The following APBA1 variants were observed in gnomAD, a reference collection of about 807,000 sequenced individuals.
The protein encoded by APBA1 is amyloid-beta A4 precursor protein-binding family A member 1.
Under a neutral mutation model 86.6 loss-of-function variants are expected in APBA1, and 55 were observed. The ratio of observed to expected loss-of-function variants is 0.64; its 90% CI spans 0.51 to 0.80. The LOEUF (loss-of-function observed/expected upper bound fraction) is 0.80. APBA1 is among the 30% of genes least tolerant of loss of function. The probability of loss-of-function intolerance (pLI) is 0.00; values close to 1 mark genes in which losing one functional copy is unlikely to be tolerated. For missense variants in APBA1, 1,090 were observed against 1,183.0 expected, an observed-to-expected ratio of 0.92 and a Z score of 1.15; for synonymous variants, 511 against 493.9, an observed-to-expected ratio of 1.03 and a Z score of -0.46.
chr9:69,458,017 A>G, intron 6 of APBA1, 139 bp downstream of exon 6: 1 of 833,832 alleles, frequency 1.2e-6, no homozygotes, highest in Non-Finnish European at 1.8e-6. Flanking sequence ...ACGCTGGCTT[A>G]TGGGGCGGTT....
Position 69,543,127 on chromosome 9 carries a change from G to A in APBA1, c.-69-25848C>T, listed in dbSNP as rs115919142. Among the ~76,000 whole-genome samples, 481 of 152,332 alleles carry A rather than the reference G, an allele frequency of 3.2e-3. 4 individuals are homozygous for A. The highest frequency in any genetic ancestry group is 0.011 in the African/African-American group (459 of 41,574). On this transcript the variant is annotated intron_variant, in intron 1 of 12. Transcript: ENST00000265381. ...TTAGTTAGGGTTCCTTAGTTTCTAA[G>A]AACAGCACTCAATGGATTTAAAACA... is the stretch of plus-strand genomic sequence containing the variant.
chr9:69,468,308 C>G (rs891221547), intron 4 of APBA1, among the ~76,000 whole-genome samples: 1 of 152,214 alleles, frequency 6.6e-6, no homozygotes, highest in Non-Finnish European at 1.5e-5. Flanking sequence ...ACATTCACCT[C>G]TGACTCTCTT....
intron 1 of APBA1, among the ~76,000 whole-genome samples, chr9:69,656,832 G>A (rs895366901): frequency 2.8e-5 from 4 of 143,776 alleles, no homozygotes; most frequent in East Asian, 2.3e-4. Context: ...AAGAATAACC[G>A]GGAGATCTTT....
Position 69,516,582 on chromosome 9 carries a change from C to T in APBA1, c.629G>A (p.Arg210His). ...EIGDAPELDA[R>H]DGLRLYEQER... ...CTGCTCGTAGAGCCGCAGGCCGTCG[C>T]GTGCGTCCAGCTCGGGCGCGTCCCC... The change falls in exon 2 of 13, where the codon CGC (arginine) becomes CAC (histidine). Residue 210 changes from arginine (R) to histidine (H), a missense_variant. Physicochemically the swap from Arg to His is conservative, Grantham distance 29 (BLOSUM62 0). This residue lies in a region of APBA1 where 678 missense variants were observed against 647.1 expected (regional missense o/e 1.05). Transcript: ENST00000265381. This position sits in a 1 kb window ranked among gnomAD's most constrained non-coding sequence, Gnocchi z 7.3. The T allele has an allele frequency of 1.2e-6, 2 of 1,602,420 alleles. No homozygotes were observed. Among genetic ancestry groups the T allele is most frequent in the East Asian group, 2.2e-5 (1 of 44,780 alleles).
chr9:69,447,113 TG>T (rs1834923365), intron 10 of APBA1, among the ~76,000 whole-genome samples: 1 of 152,176 alleles, frequency 6.6e-6, no homozygotes, highest in African/African-American at 2.4e-5. Context: ...GAGAGCTTGC[TG>T]GGGTCCCTTT....
At position 69,612,976 on chromosome 9, in the gene APBA1, C is replaced by A. The variant is rs546809908; in HGVS notation, c.-70+59177G>T. On this transcript the variant is annotated intron_variant, in intron 1 of 12. Transcript: ENST00000265381. The stretch of plus-strand genomic sequence containing the variant: ...GTTGTGTGGTAGATTTTTGTCCTAA[C>A]GTAAAATGACTGGTTATTTAAGAAA... Among the ~76,000 whole-genome samples, 26 of 151,812 alleles carry A rather than the reference C, an allele frequency of 1.7e-4. No homozygotes were observed. In the South Asian group the frequency reaches 3.1e-3, roughly 18 times the overall value.
At chr9:69,625,432 A>C (rs1822908185) in intron 1 of APBA1, among the ~76,000 whole-genome samples, 1 of 152,206 alleles carries the variant, frequency 6.6e-6, no homozygotes, top group Admixed American at 6.5e-5. Flanking sequence ...TACAAGCTTC[A>C]CAGGAAGAGG....
chr9:69,580,228 G>A (rs1377497693), intron 1 of APBA1, among the ~76,000 whole-genome samples: 3 of 152,180 alleles, frequency 2.0e-5, no homozygotes, highest in Admixed American at 2.0e-4. Context: ...TCGAGGATTC[G>A]GAGCCTGAAT....
chr9:69,534,424 A>G (rs1175629947), intron 1 of APBA1, among the ~76,000 whole-genome samples: 1 of 152,172 alleles, frequency 6.6e-6, no homozygotes, highest in Non-Finnish European at 1.5e-5. Context: ...TGCTTTTTCC[A>G]TGTTCTCTTT....
At chr9:69,597,888 G>T (rs1429311988) in intron 1 of APBA1, among the ~76,000 whole-genome samples, 1 of 152,064 alleles carries the variant, frequency 6.6e-6, no homozygotes, top group African/African-American at 2.4e-5. Context: ...ATTCCTCAGG[G>T]ATCTAGAACT....
chr9:69,488,541 AAATG>A (rs1266627507), intron 2 of APBA1, among the ~76,000 whole-genome samples: 11 of 152,160 alleles, frequency 7.2e-5, no homozygotes, highest in African/African-American at 2.7e-4. Flanking sequence ...TCATCATTTC[AAATG>A]AATGAATGTT....
intron 1 of APBA1, among the ~76,000 whole-genome samples, chr9:69,557,142 G>C (rs1046420410): frequency 1.3e-5 from 2 of 152,070 alleles, no homozygotes; most frequent in South Asian, 4.2e-4. Flanking sequence ...CATAAAACAT[G>C]GACAAAGGAG....
intron 1 of APBA1, among the ~76,000 whole-genome samples, chr9:69,575,516 C>T (rs541528550): frequency 1.8e-3 from 267 of 152,180 alleles, no homozygotes; most frequent in African/African-American, 5.7e-3. Context: ...GAGATATAGA[C>T]CAATGGAACA....
intron 1 of APBA1, among the ~76,000 whole-genome samples, chr9:69,660,026 C>T (rs908981227): frequency 1.8e-4 from 28 of 152,188 alleles, no homozygotes; most frequent in Non-Finnish European, 2.9e-5. Flanking sequence ...CGTGCACACA[C>T]TTACACACAA....
chr9:69,501,075 G>A (rs1002639738), intron 2 of APBA1, among the ~76,000 whole-genome samples: 4 of 151,950 alleles, frequency 2.6e-5, no homozygotes, highest in East Asian at 1.9e-4. Context: ...GGTGTCCCAC[G>A]GGTAGGGTCT....
At chr9:69,461,429 G>A (rs769478010) in intron 5 of APBA1, 1 of 152,140 alleles carries the variant, frequency 6.6e-6, no homozygotes, top group African/African-American at 2.4e-5. Context: ...GCTCCTGACT[G>A]TTCTATCTTT....
In APBA1 at chr9:69,430,262, T is replaced by TG. The variant is rs1446236457; in HGVS notation, c.*1064dup. ...CAATTGCACCTGCAGCTTGCCTTCT[T>TG]GGGAACAGTCCCTCCTTCCCAGACT... On this transcript the variant is annotated 3_prime_UTR_variant, in exon 13 of 13. Transcript: ENST00000265381. 6.6e-6 allele frequency: 1 copy of TG among 152,232 alleles called. No individual in the cohort carries two copies. The highest frequency in any genetic ancestry group is 1.5e-5 in the Non-Finnish European group (1 of 68,050). 9.4% of individuals were successfully genotyped at this position (152,232 alleles called of 1,614,324 possible).
intron 9 of APBA1, 78 bp from the exon 10 acceptor site, chr9:69,449,874 T>C: frequency 1.5e-6 from 2 of 1,325,120 alleles, no homozygotes; most frequent in Non-Finnish European, 2.1e-6. Flanking sequence ...TCTCCCCCAT[T>C]CCTGTCTTGC....
chr9:69,631,726 AC>A (rs2074256319), intron 1 of APBA1, among the ~76,000 whole-genome samples: 1 of 152,358 alleles, frequency 6.6e-6, no homozygotes, highest in Admixed American at 6.5e-5. Flanking sequence ...CTATGCAGCC[AC>A]AAAAAAGGAT....
Sources: gnomAD v4.1 joint callset for allele counts (sites outside exome capture counted in the v4.1 genomes callset) on GRCh38, gnomAD v4.1.1 for gene constraint, gnomAD v4.1.1 regional missense constraint, Gnocchi (gnomAD v3.1) non-coding constraint, MANE v1.5 for transcripts, NCBI Gene and HGNC (gene_info 2026-07-23, HGNC 2026-07-21) for gene names.